Variants in PCSK5 observed in about 807,000 individuals in gnomAD.
PCSK5 encodes proprotein convertase subtilisin/kexin type 5, also known as prohormone convertase 5.
In PCSK5, 129 loss-of-function variants were observed where a neutral mutation model predicts 233.2. The observed-to-expected ratio is 0.55, with a 90% CI of 0.48 to 0.64. The LOEUF (loss-of-function observed/expected upper bound fraction) is 0.64. Among genes scored for constraint, PCSK5 ranks in the 30% least tolerant of loss-of-function variants. The pLI, the probability that PCSK5 is intolerant of heterozygous loss-of-function variation, is 0.00. For synonymous variants in PCSK5, 825 were observed against 879.2 expected, an observed-to-expected ratio of 0.94 and a Z score of 1.09; for missense variants, 2,076 against 2,430.1, an observed-to-expected ratio of 0.85 and a Z score of 3.06.
chr9:76,334,744 G>A (rs1730332247), intron 34 of PCSK5, among the ~76,000 whole-genome samples: 1 of 151,914 alleles, frequency 6.6e-6, no homozygotes. Flanking sequence ...AAAAACACCA[G>A]TCATATAGAT....
intron 10 of PCSK5, among the ~76,000 whole-genome samples, chr9:76,136,474 G>A (rs1822983449): frequency 6.6e-6 from 1 of 152,040 alleles, no homozygotes; most frequent in Non-Finnish European, 1.5e-5. Flanking sequence ...GTATTTAAAT[G>A]AGGTCAGCCG....
chr9:76,332,284 A>G (rs11144834), intron 33 of PCSK5, 149 bp from the exon 34 acceptor site: 243,695 of 599,346 alleles, frequency 0.41, 51,795 homozygotes, highest in African/African-American at 0.5. Flanking sequence ...CACTAATCTT[A>G]TTTCCCAAAC....
intron 37 of PCSK5, among the ~76,000 whole-genome samples, chr9:76,355,490 GA>G (rs926016399): frequency 7.4e-5 from 11 of 149,626 alleles, no homozygotes; most frequent in African/African-American, 2.5e-4. Flanking sequence ...GAAAAGAAAA[GA>G]AAAAAAAAGA....
intron 5 of PCSK5, among the ~76,000 whole-genome samples, chr9:76,038,143 T>C (rs1029041): frequency 0.13 from 19,688 of 152,112 alleles, 2,793 homozygotes; most frequent in African/African-American, 0.36. Context: ...AGGTTCATTC[T>C]CAAAGGATCA....
At chr9:76,325,894 C>T (rs367695333) in intron 32 of PCSK5, among the ~76,000 whole-genome samples, 81 of 152,294 alleles carry the variant, frequency 5.3e-4, no homozygotes, top group Non-Finnish European at 4.0e-4. Flanking sequence ...GTCTCTGCCT[C>T]CCAAAGTGCT....
At chr9:76,248,118 T>TG (rs1826678288) in intron 24 of PCSK5, among the ~76,000 whole-genome samples, 1 of 152,084 alleles carries the variant, frequency 6.6e-6, no homozygotes, top group South Asian at 2.1e-4. Flanking sequence ...TTTTAAGAGA[T>TG]GGGGTCGCAC....
intron 2 of PCSK5, among the ~76,000 whole-genome samples, chr9:75,967,040 C>A (rs1479943502): frequency 6.6e-6 from 1 of 151,492 alleles, no homozygotes; most frequent in Non-Finnish European, 1.5e-5. Flanking sequence ...CCTCTTGAAT[C>A]TTACTGCAAA....
rs201673422 is a variant in PCSK5, at chr9:76,040,393, C to G, written c.632+13356C>G. Among the ~76,000 whole-genome samples, 155 of 89,426 alleles carry G rather than the reference C, an allele frequency of 1.7e-3. 1 individual carries two copies. Among genetic ancestry groups the G allele is most frequent in the East Asian group, 3.8e-3 (8 of 2,116 alleles). 58.7% of individuals were successfully genotyped at this position (89,426 alleles called of 152,430 possible). On this transcript the variant is annotated intron_variant, in intron 5 of 37. Coordinates refer to ENST00000674117, the MANE Select transcript of PCSK5 (RefSeq NM_001372043.1). The stretch of plus-strand genomic sequence containing the variant: ...TCTCTCTCTCTCTCTCTGTCTCTCT[C>G]TCTCTCTCTCTCTCTCTCTCAACAG...
intron 24 of PCSK5, among the ~76,000 whole-genome samples, chr9:76,286,266 G>C (rs1362284611): frequency 6.6e-6 from 1 of 152,150 alleles, no homozygotes; most frequent in Non-Finnish European, 1.5e-5. Flanking sequence ...GATTTTACTT[G>C]TCATGTGATA....
chr9:76,088,890 T>C (rs1431355790), intron 7 of PCSK5, among the ~76,000 whole-genome samples: 1 of 151,884 alleles, frequency 6.6e-6, no homozygotes, highest in African/African-American at 2.4e-5. Context: ...AAAACAGTAG[T>C]TTTTAAAGGG....
chr9:76,295,262 C>T lies in PCSK5; in HGVS notation c.3186-13C>T, dbSNP rs574917179. 6.7e-5 allele frequency: 107 copies of T among 1,603,400 alleles called. No individual in the cohort carries two copies. In the East Asian group the frequency reaches 2.3e-3, roughly 35 times the overall value. On this transcript the variant is annotated splice_polypyrimidine_tract_variant and intron_variant, in intron 25 of 37. Coordinates refer to ENST00000674117, the MANE Select transcript of PCSK5 (RefSeq NM_001372043.1). ...ACATAAGTCATGAAAGAAATGATGTCTTCTTCCTCTAGGTTTGATCACCAT... is the reference window on the plus strand; with the variant it reads ...ACATAAGTCATGAAAGAAATGATGTTTTCTTCCTCTAGGTTTGATCACCAT...
chr9:76,053,225 C>T (rs1005792826), intron 5 of PCSK5, among the ~76,000 whole-genome samples: 7 of 152,294 alleles, frequency 4.6e-5, no homozygotes, highest in African/African-American at 1.2e-4. Flanking sequence ...AGTAGGGACA[C>T]TCTTTTGGGG....
At chr9:75,982,343 G>C (rs1400104419) in intron 2 of PCSK5, among the ~76,000 whole-genome samples, 1 of 152,122 alleles carries the variant, frequency 6.6e-6, no homozygotes, top group African/African-American at 2.4e-5. Flanking sequence ...CCTAAAAATA[G>C]AATTACTTCT....
At chr9:76,275,633 C>T (rs1266449096) in intron 24 of PCSK5, among the ~76,000 whole-genome samples, 2 of 152,172 alleles carry the variant, frequency 1.3e-5, no homozygotes, top group Admixed American at 6.5e-5. Context: ...CCATGTTGGC[C>T]AGGCTGGCCT....
At chr9:76,047,414 A>G (rs1287358722) in intron 5 of PCSK5, among the ~76,000 whole-genome samples, 1 of 152,092 alleles carries the variant, frequency 6.6e-6, no homozygotes, top group Non-Finnish European at 1.5e-5. Flanking sequence ...GACATTTTCT[A>G]TTATCATATT....
intron 2 of PCSK5, among the ~76,000 whole-genome samples, chr9:75,959,715 A>T (rs1478801299): frequency 6.6e-6 from 1 of 152,188 alleles, no homozygotes; most frequent in Non-Finnish European, 1.5e-5. Context: ...AAACTTAAGA[A>T]TCCTTATGGG....
intron 1 of PCSK5, among the ~76,000 whole-genome samples, chr9:75,899,985 T>C (rs2131195763): frequency 6.6e-6 from 1 of 152,288 alleles, no homozygotes; most frequent in South Asian, 2.1e-4. Context: ...ATAAGGAGGC[T>C]TCCAGTGCTC....
At chr9:76,326,236 A>G (rs1829355070) in intron 32 of PCSK5, among the ~76,000 whole-genome samples, 1 of 152,086 alleles carries the variant, frequency 6.6e-6, no homozygotes. Flanking sequence ...TTATACAAAA[A>G]TTAGCCAGAT....
intron 24 of PCSK5, among the ~76,000 whole-genome samples, chr9:76,261,442 A>G (rs2842471): frequency 0.35 from 52,446 of 152,014 alleles, 9,242 homozygotes; most frequent in Middle Eastern, 0.45. Flanking sequence ...TAGAAAATCA[A>G]TGTACAAAAA....
Sources: gnomAD v4.1 joint callset for allele counts (sites outside exome capture counted in the v4.1 genomes callset) on GRCh38, gnomAD v4.1.1 for gene constraint, MANE v1.5 for transcripts, NCBI Gene and HGNC (gene_info 2026-07-23, HGNC 2026-07-21) for gene names.